The following HDAC5 variants were observed in gnomAD, a reference collection of about 807,000 sequenced individuals.
HDAC5 encodes the protein antigen NY-CO-9.
HDAC5 carries 25 observed loss-of-function variants against 133.3 expected under a neutral mutation model. The observed-to-expected ratio is 0.19, with a 90% confidence interval of 0.14 to 0.26. The LOEUF (loss-of-function observed/expected upper bound fraction) is 0.26, where lower values mean the gene tolerates loss of function less well. Among genes scored for constraint, HDAC5 ranks in the 10% least tolerant of loss-of-function variants. HDAC5 has a pLI of 1.00. For missense variants in HDAC5, 1,041 were observed against 1,460.5 expected (o/e 0.71, Z 4.68); for synonymous variants, 589 against 610.8 (o/e 0.96, Z 0.53).
intron 3 of HDAC5, among the ~76,000 whole-genome samples, chr17:44,105,074 C>G (rs1020188349): frequency 2.2e-4 from 33 of 152,324 alleles, no homozygotes; most frequent in African/African-American, 7.2e-4. Context: ...CCCAGCTCTT[C>G]TGGCTCTCTG....
chr17:44,094,356 G>A (rs964176140), intron 3 of HDAC5, among the ~76,000 whole-genome samples: 1 of 151,560 alleles, frequency 6.6e-6, no homozygotes, highest in South Asian at 2.1e-4. Context: ...AAAAGGGGGA[G>A]GCCGGGCGCG....
intron 18 of HDAC5, among the ~76,000 whole-genome samples, chr17:44,083,301 G>C (rs2050485349): frequency 1.3e-5 from 2 of 152,172 alleles, no homozygotes; most frequent in African/African-American, 2.4e-5. Flanking sequence ...CCAACCATGA[G>C]GCTTGAGCAG....
chr17:44,091,335 T>C lies in HDAC5; in HGVS notation c.1322A>G (p.His441Arg). The change falls in exon 11 of 27, where the codon CAT (histidine) becomes CGT (arginine). Residue 441 changes from histidine to arginine, a missense_variant. This residue lies in a region of HDAC5 where 433 missense variants were observed against 531.6 expected (regional missense o/e 0.81). Coordinates refer to ENST00000682912, the MANE Select transcript of HDAC5 (RefSeq NM_005474.5). ...ALEGDGSPHG[H>R]ASLLQHVLLL... is the part of the protein sequence containing the mutation. Reference sequence around the variant, plus strand: ...CAGCACATGCTGCAGCAGGGAGGCATGCCCGTGGGGGCTCCCGTCGCCCTC... The same window carrying C: ...CAGCACATGCTGCAGCAGGGAGGCACGCCCGTGGGGGCTCCCGTCGCCCTC... 1 of 1,609,786 alleles carries C rather than the reference T, an allele frequency of 6.2e-7. No individual in the cohort carries two copies.
intron 23 of HDAC5, 69 bp from the exon 24 acceptor site, chr17:44,079,346 GA>G (rs2050268808): frequency 6.5e-7 from 1 of 1,539,378 alleles, no homozygotes; most frequent in Admixed American, 1.9e-5. Context: ...GAGCCAGTAA[GA>G]GGAGAGAAAA....
chr17:44,100,295 G>A (rs1381570544), intron 3 of HDAC5, among the ~76,000 whole-genome samples: 2 of 152,030 alleles, frequency 1.3e-5, no homozygotes, highest in Non-Finnish European at 1.5e-5. Context: ...GAATCCCTGT[G>A]ACAAGAACCC....
intron 1 of HDAC5, among the ~76,000 whole-genome samples, chr17:44,119,086 G>T (rs527389666): frequency 1.3e-5 from 2 of 152,218 alleles, no homozygotes; most frequent in African/African-American, 4.8e-5. Flanking sequence ...ACTCAGATTG[G>T]GGGGCAGAGT....
In HDAC5 at chr17:44,113,018, G is replaced by A. The variant is rs149965576; in HGVS notation, c.23-2218C>T. 2.6e-3 allele frequency among the ~76,000 whole-genome samples: 397 copies of A among 152,254 alleles called. 2 individuals are homozygous for A. The highest frequency in any genetic ancestry group is 9.0e-3 in the African/African-American group (376 of 41,556). On this transcript the variant is annotated intron_variant, in intron 2 of 26. Transcript: ENST00000682912. ...GGGAAGGGAAGGTCTCCATCAGTGG[G>A]GTGATGGGCAGCAGATTCAAGGGAG...
chr17:44,103,590 GC>G (rs2051750558), intron 3 of HDAC5, among the ~76,000 whole-genome samples: 1 of 152,176 alleles, frequency 6.6e-6, no homozygotes, highest in African/African-American at 2.4e-5. Context: ...TTGGCACAGG[GC>G]CTGGGAAGAT....
At position 44,088,620 on chromosome 17, in the gene HDAC5, C is replaced by T. The variant is rs191142950; in HGVS notation, c.1388-22G>A. ...GGCACTACGGAGTTGGGGGTGATGA[C>T]TAAGCACCATTGTCAGGGCACCTGA... On this transcript the variant is annotated intron_variant, in intron 11 of 26. Coordinates refer to ENST00000682912, the MANE Select transcript of HDAC5 (RefSeq NM_005474.5). 1.4e-3 allele frequency: 2,317 copies of T among 1,601,622 alleles called. 9 individuals are homozygous for T. The highest frequency in any genetic ancestry group is 3.6e-3 in the South Asian group (327 of 90,466).
intron 14 of HDAC5, 54 bp downstream of exon 14, chr17:44,086,518 C>T: frequency 7.9e-7 from 1 of 1,258,180 alleles, no homozygotes; most frequent in Non-Finnish European, 1.0e-6. Flanking sequence ...GCAGACACCA[C>T]ACACAGGCCC....
chr17:44,079,128 C>T lies in HDAC5; in HGVS notation c.3078+16G>A. ...ACCTCTGGCCTGCCACCTCCCAGCT[C>T]CTTCCCACCCCTTACCTCTACACTG... On this transcript the variant is annotated intron_variant, in intron 24 of 26. Coordinates refer to ENST00000682912, the MANE Select transcript of HDAC5 (RefSeq NM_005474.5). 2 of 1,605,682 alleles carry T rather than the reference C, an allele frequency of 1.2e-6. No individual in the cohort carries two copies. The highest frequency in any genetic ancestry group is 1.7e-6 in the Non-Finnish European group (2 of 1,173,828).
At position 44,092,823 on chromosome 17, in the gene HDAC5, G is replaced by T. The variant is rs765343545; in HGVS notation, c.642-17C>A. 5 of 666,248 alleles carry T rather than the reference G, an allele frequency of 7.5e-6. No homozygotes were observed. The highest frequency in any genetic ancestry group is 5.3e-5 in the South Asian group (2 of 37,830). 41.3% of individuals were successfully genotyped at this position (666,248 alleles called of 1,614,324 possible). ...TGGGCTCCCCTGGGGTGGGGGGGGG[G>T]TGGGGATGGAAGCAGATCTAGGTTA... On this transcript the variant is annotated splice_polypyrimidine_tract_variant and intron_variant, in intron 6 of 26. Transcript: ENST00000682912.
Position 44,093,720 on chromosome 17 carries a change from G to A in HDAC5, c.209C>T (p.Thr70Ile), listed in dbSNP as rs2051087221. The A allele has an allele frequency of 1.2e-6, 2 of 1,605,586 alleles. No individual in the cohort carries two copies. Among genetic ancestry groups the A allele is most frequent in the African/African-American group, 1.3e-5 (1 of 74,840 alleles). ...RGALVGSVDP[T>I]LREQQLQQEL... is the part of the protein sequence containing the mutation. The stretch of plus-strand genomic sequence containing the variant: ...CTGCTGCAGTTGCTGCTCCCGCAGT[G>A]TGGGGTCCACAGAGCCCACCAGAGC... The change falls in exon 4 of 27, where the codon ACA becomes ATA. Residue 70 changes from threonine to isoleucine, a missense_variant. This residue lies in a region of HDAC5 where 93 missense variants were observed against 98.8 expected (regional missense o/e 0.94). Coordinates refer to ENST00000682912, the MANE Select transcript of HDAC5 (RefSeq NM_005474.5).
intron 20 of HDAC5, chr17:44,082,009 G>C (rs2050416677): frequency 1.3e-5 from 2 of 152,330 alleles, no homozygotes; most frequent in Admixed American, 1.3e-4. Context: ...ACAGAGAGTG[G>C]TGTGTGCCTC....
At chr17:44,080,085 C>T (rs773077695) in intron 23 of HDAC5, 22 bp downstream of exon 23, 3 of 1,532,792 alleles carry the variant, frequency 2.0e-6, no homozygotes, top group Non-Finnish European at 2.7e-6. Context: ...CACTTCCTCC[C>T]TCAATCCCCC....
At chr17:44,088,634 CA>C in intron 11 of HDAC5, 36 bp from the exon 12 acceptor site, 1 of 1,592,938 alleles carries the variant, frequency 6.3e-7, no homozygotes. Flanking sequence ...GCACCATTGT[CA>C]GGGCACCTGA....
intron 3 of HDAC5, among the ~76,000 whole-genome samples, chr17:44,106,457 G>C (rs571600992): frequency 6.6e-6 from 1 of 152,294 alleles, no homozygotes; most frequent in Non-Finnish European, 1.5e-5. Context: ...GTGGCATATT[G>C]CACATGGGCT....
At position 44,117,894 on chromosome 17, in the gene HDAC5, C is replaced by T. The variant is rs1298875560; in HGVS notation, c.-189-190G>A. Among the ~76,000 whole-genome samples the T allele has an allele frequency of 6.6e-6, 1 of 152,194 alleles. No individual in the cohort carries two copies. Among genetic ancestry groups the T allele is most frequent in the Non-Finnish European group, 1.5e-5 (1 of 68,022 alleles). Reference sequence around the variant, plus strand: ...TTATCTTACTAACTGATGAGGCTCCCAGAGCCCAAGGGATAGGAAATGGCT... The same window carrying T: ...TTATCTTACTAACTGATGAGGCTCCTAGAGCCCAAGGGATAGGAAATGGCT... On this transcript the variant is annotated intron_variant, in intron 1 of 26. Coordinates refer to ENST00000682912, the MANE Select transcript of HDAC5 (RefSeq NM_005474.5). This position sits in a 1 kb window ranked among gnomAD's most constrained non-coding sequence, Gnocchi z 4.2.
intron 3 of HDAC5, among the ~76,000 whole-genome samples, chr17:44,108,940 G>T (rs1194857875): frequency 2.0e-5 from 3 of 151,742 alleles, no homozygotes; most frequent in Non-Finnish European, 4.4e-5. Context: ...CACTCTGAAG[G>T]CCAGCCAGCG....
Sources: gnomAD v4.1 joint callset for allele counts (sites outside exome capture counted in the v4.1 genomes callset) on GRCh38, gnomAD v4.1.1 for gene constraint, gnomAD v4.1.1 regional missense constraint, Gnocchi (gnomAD v3.1) non-coding constraint, MANE v1.5 for transcripts, NCBI Gene and HGNC (gene_info 2026-07-23, HGNC 2026-07-21) for gene names.